Variants in RNF130 observed in about 807,000 individuals in gnomAD.
The protein encoded by RNF130 is E3 ubiquitin-protein ligase RNF130.
Under a neutral mutation model 44.6 loss-of-function variants are expected in RNF130, and 21 were observed. The observed-to-expected ratio is 0.47, with a 90% CI of 0.33 to 0.68. The LOEUF (loss-of-function observed/expected upper bound fraction) is 0.68, where lower values mean the gene tolerates loss of function less well. Ranked by LOEUF, RNF130 falls within the 30% of genes least tolerant of loss-of-function variation. The pLI is 0.02. For missense variants in RNF130, 479 were observed against 560.6 expected (o/e 0.85, Z 1.47); for synonymous variants, 214 against 210.4 (o/e 1.02, Z -0.15).
intron 3 of RNF130, among the ~76,000 whole-genome samples, chr5:179,998,173 T>A (rs1003345508): frequency 6.6e-6 from 1 of 152,336 alleles, no homozygotes; most frequent in East Asian, 1.9e-4. Flanking sequence ...AGATGCTTCA[T>A]TAGATTGTTT....
exon 8 of RNF130, chr5:179,920,195 G>C: frequency 8.3e-6 from 5 of 601,624 alleles, no homozygotes; most frequent in Non-Finnish European, 1.5e-5. Context: ...ACCCCAACCT[G>C]TGCTTGGAAA....
At chr5:179,915,354 A>C (rs940356880) in exon 8 of RNF130, 1 of 152,308 alleles carries the variant, frequency 6.6e-6, no homozygotes, top group Non-Finnish European at 1.5e-5. Flanking sequence ...AACAAACAAA[A>C]AACCCACAGC....
Position 179,937,101 on chromosome 5 carries a change from TAAAACGAAATATCATC to T in RNF130, c.1151-16691_1151-16676del, listed in dbSNP as rs1156735415. ...AAAAAACAGACAAATTGGATATCAT[TAAAACGAAATATCATC>T]AAAACGAAATATCATCAAAACGAAA... On this transcript the variant is annotated intron_variant, in intron 7 of 7. Coordinates refer to the RNF130 transcript ENST00000522208. Among the ~76,000 whole-genome samples, 518 of 86,818 alleles carry T rather than the reference TAAAACGAAATATCATC, an allele frequency of 6.0e-3. 1 individual carries two copies. Among genetic ancestry groups the T allele is most frequent in the African/African-American group, 0.016 (420 of 26,752 alleles). 57.0% of individuals were successfully genotyped at this position (86,818 alleles called of 152,430 possible).
intron 3 of RNF130, among the ~76,000 whole-genome samples, chr5:179,992,471 T>C (rs1238927293): frequency 6.6e-6 from 1 of 152,220 alleles, no homozygotes; most frequent in Non-Finnish European, 1.5e-5. Context: ...TTCAAATGTA[T>C]CTTGCAATTC....
At chr5:179,931,534 C>T (rs995390759) in intron 7 of RNF130, among the ~76,000 whole-genome samples, 3 of 151,868 alleles carry the variant, frequency 2.0e-5, no homozygotes, top group African/African-American at 4.8e-5. Context: ...TTTGGGGGGC[C>T]GAGGTGGGCG....
intron 3 of RNF130, among the ~76,000 whole-genome samples, chr5:179,997,563 C>T (rs1205153910): frequency 1.3e-5 from 2 of 151,942 alleles, no homozygotes; most frequent in Non-Finnish European, 2.9e-5. Context: ...CTCCTGACCT[C>T]GTGATCTGCC....
At chr5:180,007,485 T>C (rs1763487147) in intron 3 of RNF130, among the ~76,000 whole-genome samples, 1 of 152,226 alleles carries the variant, frequency 6.6e-6, no homozygotes, top group African/African-American at 2.4e-5. Context: ...ATATTATGGC[T>C]TCTCTTTTAA....
intron 1 of RNF130, among the ~76,000 whole-genome samples, chr5:180,044,357 C>G (rs1235301297): frequency 1.3e-5 from 2 of 150,586 alleles, no homozygotes; most frequent in African/African-American, 4.9e-5. Context: ...TTTTTTTTTT[C>G]CTCTAGGGCT....
At chr5:179,965,246 G>A (rs926298614) in intron 7 of RNF130, among the ~76,000 whole-genome samples, 1 of 152,164 alleles carries the variant, frequency 6.6e-6, no homozygotes, top group African/African-American at 2.4e-5. Context: ...CAGCCGGCCT[G>A]GCTACCTCTG....
chr5:180,027,127 A>C (rs570947459), intron 2 of RNF130, among the ~76,000 whole-genome samples: 1 of 152,278 alleles, frequency 6.6e-6, no homozygotes, highest in East Asian at 1.9e-4. Flanking sequence ...GGGAGGGCAA[A>C]ACTGGCACAG....
intron 3 of RNF130, among the ~76,000 whole-genome samples, chr5:179,982,662 A>C (rs1453258976): frequency 2.6e-5 from 4 of 152,058 alleles, no homozygotes; most frequent in Non-Finnish European, 5.9e-5. Flanking sequence ...TGTAGCCTTG[A>C]CCTCTGGGGC....
At chr5:179,930,747 C>G (rs974170196) in intron 7 of RNF130, among the ~76,000 whole-genome samples, 7 of 152,122 alleles carry the variant, frequency 4.6e-5, no homozygotes, top group African/African-American at 1.7e-4. Flanking sequence ...CTTTTAAAAT[C>G]AAGAATGGAG....
At chr5:180,018,234 T>G (rs1763784596) in intron 2 of RNF130, among the ~76,000 whole-genome samples, 2 of 150,944 alleles carry the variant, frequency 1.3e-5, no homozygotes, top group Non-Finnish European at 2.9e-5. Flanking sequence ...GGTGGAGGTT[T>G]CAGTGAGCCG....
At chr5:180,040,745 G>A in intron 1 of RNF130, 98 bp from the exon 2 acceptor site, 2 of 1,095,016 alleles carry the variant, frequency 1.8e-6, no homozygotes, top group Non-Finnish European at 2.6e-6. Context: ...CAGAGCTAAA[G>A]CACGTGAAGC....
chr5:179,921,147 CAT>C lies in RNF130; in HGVS notation c.1151-723_1151-722del, dbSNP rs1761626858. Among the ~76,000 whole-genome samples, 4 of 152,240 alleles carry C rather than the reference CAT, an allele frequency of 2.6e-5. No individual in the cohort carries two copies. The South Asian group carries it at 6.2e-4, about 24-fold the overall frequency. On this transcript the variant is annotated intron_variant, in intron 7 of 7. Coordinates refer to the RNF130 transcript ENST00000522208. ...TATAACTGACATACAATGAAAAGCA[CAT>C]GTTTAAAGTACATCATTTGGTGAGT... is the stretch of plus-strand genomic sequence containing the variant.
intron 7 of RNF130, among the ~76,000 whole-genome samples, chr5:179,945,702 A>G (rs1439110926): frequency 6.6e-6 from 1 of 152,044 alleles, no homozygotes; most frequent in Admixed American, 6.6e-5. Flanking sequence ...CTCCAGAGGG[A>G]CAATGGAAAT....
In RNF130 at chr5:180,026,523, G is replaced by C. The variant is rs566057519; in HGVS notation, c.443-13212C>G. On this transcript the variant is annotated intron_variant, in intron 2 of 8. Transcript: ENST00000521389. ...GGTAACAAGTGAAACCACACAATGAGTAGCCTTTCCTGTCAATGACGTCAT... is the reference window on the plus strand; with the variant it reads ...GGTAACAAGTGAAACCACACAATGACTAGCCTTTCCTGTCAATGACGTCAT... Among the ~76,000 whole-genome samples the C allele has an allele frequency of 3.9e-5, 6 of 152,306 alleles. No individual in the cohort carries two copies. The East Asian group carries it at 9.6e-4, about 24-fold the overall frequency.
At chr5:179,981,565 T>C (rs1272478529) in intron 3 of RNF130, among the ~76,000 whole-genome samples, 5 of 152,262 alleles carry the variant, frequency 3.3e-5, no homozygotes, top group Non-Finnish European at 7.3e-5. Flanking sequence ...CCCTCTTTAC[T>C]GTGTTAGATG....
intron 1 of RNF130, among the ~76,000 whole-genome samples, chr5:180,067,504 G>C (rs1208526463): frequency 6.6e-6 from 1 of 152,182 alleles, no homozygotes; most frequent in Non-Finnish European, 1.5e-5. Context: ...GCAGGACAGG[G>C]ATTTGGTGGA....
Sources: gnomAD v4.1 joint callset for allele counts (sites outside exome capture counted in the v4.1 genomes callset) on GRCh38, gnomAD v4.1.1 for gene constraint, MANE v1.5 for transcripts, NCBI Gene and HGNC (gene_info 2026-07-23, HGNC 2026-07-21) for gene names.